The following ZMIZ1 variants were observed in gnomAD, a reference collection of about 807,000 sequenced individuals.
The protein encoded by ZMIZ1 is zinc finger MIZ-type containing 1.
In ZMIZ1, 17 loss-of-function variants were observed where a neutral mutation model predicts 113.9. That is an observed-to-expected ratio of 0.15 (90% CI 0.10 to 0.22). ZMIZ1 has a LOEUF of 0.22. Ranked by LOEUF, ZMIZ1 falls within the 10% of genes least tolerant of loss-of-function variation. The pLI, the probability that ZMIZ1 is intolerant of heterozygous loss-of-function variation, is 1.00. For synonymous variants in ZMIZ1, 607 were observed against 603.1 expected, an observed-to-expected ratio of 1.01 and a Z score of -0.09; for missense variants, 1,059 against 1,477.8, an observed-to-expected ratio of 0.72 and a Z score of 4.65.
At chr10:79,148,756 G>T (rs1313266100) in intron 3 of ZMIZ1, among the ~76,000 whole-genome samples, 1 of 152,208 alleles carries the variant, frequency 6.6e-6, no homozygotes, top group Non-Finnish European at 1.5e-5. Flanking sequence ...CTGCCGTCTT[G>T]TAGTTCCTCC....
chr10:79,288,183 C>G (rs900385531), intron 8 of ZMIZ1, among the ~76,000 whole-genome samples: 7 of 152,220 alleles, frequency 4.6e-5, no homozygotes, highest in African/African-American at 1.7e-4. Flanking sequence ...CCAGCATTGC[C>G]AAGAGCTCAG....
At chr10:79,266,859 G>A (rs1017644502) in intron 7 of ZMIZ1, among the ~76,000 whole-genome samples, 3 of 152,342 alleles carry the variant, frequency 2.0e-5, no homozygotes, top group Non-Finnish European at 2.9e-5. Context: ...ACAATTCTGC[G>A]GCTAGTTCTG....
chr10:79,123,170 C>T (rs1440761465), intron 2 of ZMIZ1, among the ~76,000 whole-genome samples: 1 of 152,180 alleles, frequency 6.6e-6, no homozygotes, highest in South Asian at 2.1e-4. Flanking sequence ...GTGTCAGGGG[C>T]ATGACAAACT....
At chr10:79,203,190 C>T (rs1299332413) in intron 5 of ZMIZ1, among the ~76,000 whole-genome samples, 1 of 152,174 alleles carries the variant, frequency 6.6e-6, no homozygotes, top group East Asian at 1.9e-4. Flanking sequence ...GGGCCAGGAC[C>T]CAGACGGAGC....
At chr10:79,105,418 C>T (rs761478326) in intron 1 of ZMIZ1, among the ~76,000 whole-genome samples, 5 of 152,256 alleles carry the variant, frequency 3.3e-5, no homozygotes, top group Admixed American at 6.5e-5. Flanking sequence ...AGACCTGTTA[C>T]AGGCTGCCTC....
chr10:79,217,373 C>A (rs1848778972), intron 7 of ZMIZ1, among the ~76,000 whole-genome samples: 4 of 152,030 alleles, frequency 2.6e-5, no homozygotes, highest in African/African-American at 9.7e-5. Flanking sequence ...TGCAGTGAAC[C>A]GAGATCGCGC....
intron 1 of ZMIZ1, among the ~76,000 whole-genome samples, chr10:79,117,603 CTTCTGGTGA>C (rs1844106180): frequency 6.6e-6 from 1 of 152,242 alleles, no homozygotes; most frequent in Non-Finnish European, 1.5e-5. Flanking sequence ...TAACACATGT[CTTCTGGTGA>C]ACATATGCAC....
intron 6 of ZMIZ1, among the ~76,000 whole-genome samples, chr10:79,213,814 G>A (rs943800787): frequency 6.6e-6 from 1 of 152,174 alleles, no homozygotes; most frequent in Non-Finnish European, 1.5e-5. Context: ...GCTTTGAGGT[G>A]TTGTTCAACC....
At position 79,118,028 on chromosome 10, in the gene ZMIZ1, G is replaced by C. The variant is rs1483403804; in HGVS notation, c.-336-887G>C. Among the ~76,000 whole-genome samples the C allele has an allele frequency of 6.6e-6, 1 of 152,208 alleles. No individual in the cohort carries two copies. Among genetic ancestry groups the C allele is most frequent in the Non-Finnish European group, 1.5e-5 (1 of 68,044 alleles). ...CAGGGGTCTGCAGATGCAGGAACTGGGGGGAGACAGCCACACAGCCTCCAT... is the reference window on the plus strand; with the variant it reads ...CAGGGGTCTGCAGATGCAGGAACTGCGGGGAGACAGCCACACAGCCTCCAT... On this transcript the variant is annotated intron_variant, in intron 1 of 24. Coordinates refer to ENST00000334512, the MANE Select transcript of ZMIZ1 (RefSeq NM_020338.4). This position sits in a 1 kb window ranked among gnomAD's most constrained non-coding sequence, Gnocchi z 4.1.
intron 1 of ZMIZ1, among the ~76,000 whole-genome samples, chr10:79,073,720 G>A (rs755946512): frequency 2.6e-5 from 4 of 151,950 alleles, no homozygotes; most frequent in Non-Finnish European, 5.9e-5. Flanking sequence ...AAGGGGGAAG[G>A]GTCTGCCTGG....
intron 8 of ZMIZ1, among the ~76,000 whole-genome samples, chr10:79,280,672 G>A (rs1852676177): frequency 6.8e-6 from 1 of 147,334 alleles, no homozygotes; most frequent in South Asian, 2.2e-4. Flanking sequence ...TAATGCCCAC[G>A]CTTGGTTAAT....
chr10:79,161,613 ATTGT>A (rs1206056381), intron 3 of ZMIZ1, among the ~76,000 whole-genome samples: 1 of 152,018 alleles, frequency 6.6e-6, no homozygotes, highest in African/African-American at 2.4e-5. Flanking sequence ...TCCTGGACTC[ATTGT>A]TTGTTTCTGG....
chr10:79,216,374 A>G, intron 7 of ZMIZ1, 100 bp downstream of exon 7: 1 of 1,076,730 alleles, frequency 9.3e-7, no homozygotes, highest in Non-Finnish European at 1.3e-6. Flanking sequence ...TGGTGCCTCC[A>G]TTTGTCTAGG....
intron 5 of ZMIZ1, among the ~76,000 whole-genome samples, chr10:79,204,584 G>T (rs918613320): frequency 6.6e-6 from 1 of 152,162 alleles, no homozygotes; most frequent in Non-Finnish European, 1.5e-5. Flanking sequence ...GAATACATCA[G>T]GTCTCCCACC....
chr10:79,247,655 G>A (rs1359112456), intron 7 of ZMIZ1, among the ~76,000 whole-genome samples: 3 of 152,218 alleles, frequency 2.0e-5, no homozygotes, highest in East Asian at 1.9e-4. Flanking sequence ...CCTTAGAAGT[G>A]CCTGGCCTGG....
At chr10:79,279,356 A>G (rs1778161683) in intron 8 of ZMIZ1, among the ~76,000 whole-genome samples, 1 of 146,860 alleles carries the variant, frequency 6.8e-6, no homozygotes, top group South Asian at 2.2e-4. Flanking sequence ...TGCTCTTCAC[A>G]TCTCAGACGG....
chr10:79,211,159 C>T (rs918684150), intron 6 of ZMIZ1, among the ~76,000 whole-genome samples: 2 of 152,156 alleles, frequency 1.3e-5, no homozygotes, highest in Admixed American at 1.3e-4. Flanking sequence ...AGGGTATTTT[C>T]CCTAGCCACT....
chr10:79,150,393 CCCG>C lies in ZMIZ1; in HGVS notation c.-131+10617_-131+10619del, dbSNP rs1214598215. 7.9e-5 allele frequency among the ~76,000 whole-genome samples: 12 copies of C among 152,396 alleles called. No homozygotes were observed. In the East Asian group the frequency reaches 2.3e-3, roughly 29 times the overall value. On this transcript the variant is annotated intron_variant, in intron 3 of 24. Transcript: ENST00000334512. The stretch of plus-strand genomic sequence containing the variant: ...TGCGCTGACCCCCTCCCTGGGCCTC[CCCG>C]TGGTGGCAGCTCTGGGCCCACGCCC...
rs1435739138 is a variant in ZMIZ1, at chr10:79,313,882, G to A, written c.*1133G>A. The A allele has an allele frequency of 5.4e-6, 2 of 372,552 alleles. No homozygotes were observed. The highest frequency in any genetic ancestry group is 2.0e-5 in the South Asian group (1 of 50,616). 23.1% of individuals were successfully genotyped at this position (372,552 alleles called of 1,614,324 possible). On this transcript the variant is annotated 3_prime_UTR_variant, in exon 25 of 25. Transcript: ENST00000334512. ...GGCAGTGCGTGGAAAGGCCGGGGAG[G>A]TGCAGAAACCAGAGCCCAGGGCAAT... is the stretch of plus-strand genomic sequence containing the variant.
Sources: allele counts gnomAD v4.1 joint callset (sites outside exome capture counted in the v4.1 genomes callset), GRCh38; gene constraint gnomAD v4.1.1; non-coding constraint Gnocchi (gnomAD v3.1); transcripts MANE v1.5; gene names NCBI Gene and HGNC (gene_info 2026-07-23, HGNC 2026-07-21).